Variants in CACNA1D observed in about 807,000 individuals in gnomAD.
The protein encoded by CACNA1D is calcium voltage-gated channel subunit alpha1 D, also known as voltage-dependent L-type calcium channel subunit alpha-1D.
A neutral mutation model predicts 257.1 loss-of-function variants in CACNA1D; 55 were observed. That is an observed-to-expected ratio of 0.21 (90% CI 0.17 to 0.27). CACNA1D has a LOEUF of 0.27. Among genes scored for constraint, CACNA1D ranks in the 10% least tolerant of loss-of-function variants. The probability of loss-of-function intolerance (pLI) is 1.00; values close to 1 mark genes in which losing one functional copy is unlikely to be tolerated. For missense variants in CACNA1D, 1,876 were observed against 2,784.0 expected, an observed-to-expected ratio of 0.67 and a Z score of 7.34; for synonymous variants, 980 against 1,014.9, an observed-to-expected ratio of 0.97 and a Z score of 0.65.
At chr3:53,687,518 T>TA (rs11297779) in intron 8 of CACNA1D, among the ~76,000 whole-genome samples, 6,487 of 147,982 alleles carry the variant, frequency 0.044, 406 homozygotes, top group African/African-American at 0.14. Flanking sequence ...TCTTTTTAGT[T>TA]AAAAAAAAAA....
chr3:53,727,481 G>T (rs1014703375), intron 15 of CACNA1D, among the ~76,000 whole-genome samples: 1 of 152,154 alleles, frequency 6.6e-6, no homozygotes, highest in Non-Finnish European at 1.5e-5. Context: ...CATCTTTGCG[G>T]ATCAAGTGTC....
intron 6 of CACNA1D, 140 bp downstream of exon 6, chr3:53,665,952 T>C: frequency 1.5e-6 from 1 of 684,368 alleles, no homozygotes; most frequent in Non-Finnish European, 2.6e-6. Flanking sequence ...GAGCCAGTTC[T>C]CAGTGTGAGC....
At chr3:53,556,316 G>A (rs569382168) in intron 3 of CACNA1D, among the ~76,000 whole-genome samples, 14 of 152,280 alleles carry the variant, frequency 9.2e-5, no homozygotes, top group Admixed American at 3.3e-4. Context: ...AACATTATAA[G>A]AAGCTAACTG....
intron 29 of CACNA1D, among the ~76,000 whole-genome samples, chr3:53,755,420 T>G (rs2095257512): frequency 6.6e-6 from 1 of 152,206 alleles, no homozygotes; most frequent in Admixed American, 6.5e-5. Flanking sequence ...AGTAGTGCAC[T>G]GCCCAGTAGG....
intron 3 of CACNA1D, among the ~76,000 whole-genome samples, chr3:53,585,980 G>A (rs932577368): frequency 2.6e-5 from 4 of 152,094 alleles, no homozygotes; most frequent in African/African-American, 9.7e-5. Flanking sequence ...CGAGAACTTC[G>A]ACTTCTTTCC....
At chr3:53,498,486 G>T (rs1022605684) in intron 2 of CACNA1D, among the ~76,000 whole-genome samples, 1 of 152,134 alleles carries the variant, frequency 6.6e-6, no homozygotes, top group Non-Finnish European at 1.5e-5. Context: ...TGATTCATTG[G>T]TCTGGGTAAA....
chr3:53,680,142 G>T (rs770232326), intron 8 of CACNA1D, among the ~76,000 whole-genome samples: 1 of 152,126 alleles, frequency 6.6e-6, no homozygotes, highest in Non-Finnish European at 1.5e-5. Context: ...CCTCTCTGCC[G>T]CTGGCTTACA....
At chr3:53,674,702 A>C (rs990721510) in intron 8 of CACNA1D, among the ~76,000 whole-genome samples, 1 of 152,198 alleles carries the variant, frequency 6.6e-6, no homozygotes, top group Non-Finnish European at 1.5e-5. Flanking sequence ...GCTACAGAGA[A>C]GGGAGCTGGG....
At chr3:53,763,371 G>A (rs2095314835) in intron 30 of CACNA1D, among the ~76,000 whole-genome samples, 2 of 152,218 alleles carry the variant, frequency 1.3e-5, no homozygotes, top group South Asian at 2.1e-4. Context: ...AAATTAAGAA[G>A]CGTGAGAAAG....
chr3:53,568,636 G>A (rs546961429), intron 3 of CACNA1D, among the ~76,000 whole-genome samples: 82 of 152,198 alleles, frequency 5.4e-4, no homozygotes, highest in African/African-American at 1.8e-3. Flanking sequence ...TGGCAGTGCC[G>A]TTCTCCTGCC....
chr3:53,744,621 T>C, intron 22 of CACNA1D, 119 bp from the exon 23 acceptor site: 1 of 770,564 alleles, frequency 1.3e-6, no homozygotes, highest in Admixed American at 1.7e-5. Flanking sequence ...CAGCACCACA[T>C]GGATCCCACG....
intron 9 of CACNA1D, among the ~76,000 whole-genome samples, chr3:53,708,589 G>A (rs2094716742): frequency 6.6e-6 from 1 of 152,246 alleles, no homozygotes; most frequent in Admixed American, 6.5e-5. Context: ...CCTAAGAGCT[G>A]ATGGGAGCTG....
Position 53,800,477 on chromosome 3 carries a change from A to G in CACNA1D, c.5040+112A>G. The G allele has an allele frequency of 2.5e-6, 2 of 808,962 alleles. No individual in the cohort carries two copies. Among genetic ancestry groups the G allele is most frequent in the South Asian group, 1.4e-5 (1 of 74,034 alleles). The allele number at this position is 808,962 out of a possible 1,614,324, so 50.1% of individuals were successfully genotyped here. On this transcript the variant is annotated intron_variant, in intron 41 of 47. Coordinates refer to ENST00000350061, the MANE Select transcript of CACNA1D (RefSeq NM_001128840.3). The surrounding 1 kb of genome is among the most constrained non-coding windows in gnomAD (Gnocchi z 4.3). ...AGTCTGGAGAATGCAGCCCATCCCC[A>G]GGGCCTAGAGGGGCTTTCAGACCAC...
intron 44 of CACNA1D, among the ~76,000 whole-genome samples, chr3:53,804,385 C>T (rs2095551273): frequency 6.6e-6 from 1 of 152,182 alleles, no homozygotes; most frequent in Non-Finnish European, 1.5e-5. Context: ...CACACTGTGG[C>T]CCCTGCTTGG....
intron 14 of CACNA1D, among the ~76,000 whole-genome samples, chr3:53,724,254 T>C (rs912445728): frequency 2.6e-5 from 4 of 152,350 alleles, no homozygotes; most frequent in African/African-American, 9.6e-5. Flanking sequence ...AAAACCGTTT[T>C]TCACACTCAA....
intron 8 of CACNA1D, among the ~76,000 whole-genome samples, chr3:53,695,417 G>A (rs2094564628): frequency 6.6e-6 from 1 of 152,114 alleles, no homozygotes; most frequent in Admixed American, 6.5e-5. Flanking sequence ...TTCAGATACT[G>A]GGGACCAGCC....
intron 3 of CACNA1D, among the ~76,000 whole-genome samples, chr3:53,522,061 A>T (rs938559582): frequency 1.3e-5 from 2 of 152,018 alleles, no homozygotes; most frequent in African/African-American, 2.4e-5. Flanking sequence ...GCTTCAGCCC[A>T]GGAGTTCAAA....
At chr3:53,678,504 C>A (rs1389921496) in intron 8 of CACNA1D, among the ~76,000 whole-genome samples, 1 of 152,060 alleles carries the variant, frequency 6.6e-6, no homozygotes, top group Non-Finnish European at 1.5e-5. Flanking sequence ...TTACTATAGG[C>A]CTATTTATCT....
At chr3:53,706,842 T>C (rs1382392132) in intron 9 of CACNA1D, among the ~76,000 whole-genome samples, 2 of 152,168 alleles carry the variant, frequency 1.3e-5, no homozygotes, top group Non-Finnish European at 1.5e-5. Context: ...GTACACATTA[T>C]TTAGCTTCTG....
Sources: gnomAD v4.1 joint callset for allele counts (sites outside exome capture counted in the v4.1 genomes callset) on GRCh38, gnomAD v4.1.1 for gene constraint, Gnocchi (gnomAD v3.1) non-coding constraint, MANE v1.5 for transcripts, NCBI Gene and HGNC (gene_info 2026-07-23, HGNC 2026-07-21) for gene names.